ZMAT4: variants seen among roughly 807,000 people sequenced by gnomAD.
The protein encoded by ZMAT4 is zinc finger matrin-type 4, also known as zinc finger matrin-type protein 4.
Under a neutral mutation model 28.7 loss-of-function variants are expected in ZMAT4, and 17 were observed. That is an observed-to-expected ratio of 0.59 (90% confidence interval 0.41 to 0.89). The LOEUF is 0.89. ZMAT4 is among the 40% of genes least tolerant of loss of function. The pLI is 0.00. For missense variants in ZMAT4, 240 were observed against 283.8 expected, an observed-to-expected ratio of 0.85 and a Z score of 1.11; for synonymous variants, 117 against 109.2, an observed-to-expected ratio of 1.07 and a Z score of -0.44.
intron 5 of ZMAT4, among the ~76,000 whole-genome samples, chr8:40,613,833 C>T (rs1183574541): frequency 6.6e-6 from 1 of 152,190 alleles, no homozygotes; most frequent in Non-Finnish European, 1.5e-5. Flanking sequence ...AAGCCAGCCT[C>T]CAAAGGACTT....
intron 6 of ZMAT4, among the ~76,000 whole-genome samples, chr8:40,533,987 G>T (rs966347665): frequency 6.6e-6 from 1 of 152,086 alleles, no homozygotes; most frequent in African/African-American, 2.4e-5. Context: ...GAGTTTGAAG[G>T]ACAGCATCTT....
intron 5 of ZMAT4, among the ~76,000 whole-genome samples, chr8:40,608,604 C>T (rs1805685502): frequency 6.6e-6 from 1 of 152,152 alleles, no homozygotes; most frequent in African/African-American, 2.4e-5. Flanking sequence ...GTCCAGGAAA[C>T]TTCGTGTTCA....
intron 2 of ZMAT4, among the ~76,000 whole-genome samples, chr8:40,775,808 G>T (rs1813569206): frequency 6.6e-6 from 1 of 152,228 alleles, no homozygotes; most frequent in Non-Finnish European, 1.5e-5. Flanking sequence ...TCTGGAAGCA[G>T]GGTCTGTCAG....
At chr8:40,622,878 C>A (rs1363858394) in intron 5 of ZMAT4, among the ~76,000 whole-genome samples, 2 of 152,186 alleles carry the variant, frequency 1.3e-5, no homozygotes, top group Non-Finnish European at 2.9e-5. Flanking sequence ...CCAGGTCCAA[C>A]CTCCAACACT....
At chr8:40,697,580 T>C (rs1809950639) in intron 3 of ZMAT4, among the ~76,000 whole-genome samples, 179 bp from the exon 4 acceptor site, 1 of 152,082 alleles carries the variant, frequency 6.6e-6, no homozygotes, top group Non-Finnish European at 1.5e-5. Flanking sequence ...TTTATTATAC[T>C]TTAAGTTCTG....
intron 6 of ZMAT4, among the ~76,000 whole-genome samples, chr8:40,543,020 C>A (rs1394921058): frequency 7.9e-5 from 12 of 152,214 alleles, no homozygotes; most frequent in Non-Finnish European, 1.8e-4. Context: ...TCAGCAGTTT[C>A]TGTCAGTCCT....
At chr8:40,791,972 T>C (rs1814345287) in intron 2 of ZMAT4, among the ~76,000 whole-genome samples, 2 of 152,216 alleles carry the variant, frequency 1.3e-5, no homozygotes. Flanking sequence ...AATCCACCAG[T>C]GTTGCTATCC....
intron 5 of ZMAT4, among the ~76,000 whole-genome samples, chr8:40,661,213 G>C: frequency 6.6e-6 from 1 of 152,108 alleles, no homozygotes; most frequent in East Asian, 1.9e-4. Context: ...CGATTCTTTT[G>C]TCTCAGCCTC....
At chr8:40,545,781 T>A (rs955512558) in intron 6 of ZMAT4, among the ~76,000 whole-genome samples, 2 of 151,506 alleles carry the variant, frequency 1.3e-5, no homozygotes, top group African/African-American at 4.9e-5. Flanking sequence ...CCATTTCTGT[T>A]GTTTACGTCA....
chr8:40,799,119 A>T (rs1214224133), intron 2 of ZMAT4, among the ~76,000 whole-genome samples: 1 of 149,424 alleles, frequency 6.7e-6, no homozygotes, highest in East Asian at 2.0e-4. Flanking sequence ...AGAGAGAGAG[A>T]GAGACAGAGA....
At chr8:40,874,092 C>T (rs1259675965) in intron 1 of ZMAT4, among the ~76,000 whole-genome samples, 5 of 152,200 alleles carry the variant, frequency 3.3e-5, no homozygotes, top group Non-Finnish European at 7.3e-5. Flanking sequence ...CATCTTGCTG[C>T]TTCTTTTCTG....
At chr8:40,803,288 C>G (rs1814931149) in intron 2 of ZMAT4, among the ~76,000 whole-genome samples, 1 of 151,982 alleles carries the variant, frequency 6.6e-6, no homozygotes, top group African/African-American at 2.4e-5. Flanking sequence ...GAAAAGGCAG[C>G]CAAAGATTGA....
rs534694691 is a variant in ZMAT4 at position 40,853,701 on chromosome 8, G to T, written c.-4-28021C>A. ...TGATTTTCAGTGATTTGGTGCCATTGTCTTGATTTGGATGAAGGCACCCAG... is the reference window on the plus strand; with the variant it reads ...TGATTTTCAGTGATTTGGTGCCATTTTCTTGATTTGGATGAAGGCACCCAG... On this transcript the variant is annotated intron_variant, in intron 1 of 6. Coordinates refer to ENST00000297737, the MANE Select transcript of ZMAT4 (RefSeq NM_024645.3). Among the ~76,000 whole-genome samples the T allele has an allele frequency of 2.7e-3, 409 of 152,278 alleles. 1 individual carries two copies. The highest frequency in any genetic ancestry group is 3.9e-3 in the Non-Finnish European group (267 of 68,012).
intron 2 of ZMAT4, among the ~76,000 whole-genome samples, chr8:40,802,633 C>T (rs1340541893): frequency 2.0e-5 from 3 of 152,142 alleles, no homozygotes; most frequent in Non-Finnish European, 4.4e-5. Context: ...GGCATCAGTT[C>T]TTCCCAATTT....
chr8:40,892,662 C>G (rs906718963), intron 1 of ZMAT4, among the ~76,000 whole-genome samples: 1 of 152,222 alleles, frequency 6.6e-6, no homozygotes, highest in Non-Finnish European at 1.5e-5. Context: ...CTGGTCCTCC[C>G]TCTGCTATCA....
chr8:40,539,328 C>T lies in ZMAT4; in HGVS notation c.675-7090G>A, dbSNP rs561247476. 1.4e-4 allele frequency among the ~76,000 whole-genome samples: 21 copies of T among 152,244 alleles called. No homozygotes were observed. In the South Asian group the frequency reaches 3.5e-3, roughly 26 times the overall value. On this transcript the variant is annotated intron_variant, in intron 6 of 6. Transcript: ENST00000297737. ...GGCACATTGGGAAGAAGCCTCACTCCCAGATCCTCACATTTCTCCTTGACT... is the reference window on the plus strand; with the variant it reads ...GGCACATTGGGAAGAAGCCTCACTCTCAGATCCTCACATTTCTCCTTGACT...
intron 1 of ZMAT4, among the ~76,000 whole-genome samples, chr8:40,857,140 T>G (rs1817327265): frequency 6.6e-6 from 1 of 152,110 alleles, no homozygotes; most frequent in Non-Finnish European, 1.5e-5. Context: ...CACTGCCTAG[T>G]TCAGACAAGT....
chr8:40,754,164 C>T (rs1812575013), intron 3 of ZMAT4, among the ~76,000 whole-genome samples: 1 of 151,180 alleles, frequency 6.6e-6, no homozygotes, highest in Admixed American at 6.6e-5. Context: ...GAGCAAGACT[C>T]CATCTCAAAA....
At chr8:40,797,831 G>A (rs1451711055) in intron 2 of ZMAT4, among the ~76,000 whole-genome samples, 1 of 152,202 alleles carries the variant, frequency 6.6e-6, no homozygotes, top group Non-Finnish European at 1.5e-5. Flanking sequence ...TGAGGTAGCT[G>A]TGTTGAACAT....
Sources: allele counts gnomAD v4.1 joint callset (sites outside exome capture counted in the v4.1 genomes callset), GRCh38; gene constraint gnomAD v4.1.1; transcripts MANE v1.5; gene names NCBI Gene and HGNC (gene_info 2026-07-23, HGNC 2026-07-21).